The following FANCC variants were observed in gnomAD, a reference collection of about 807,000 sequenced individuals.
The protein encoded by FANCC is Fanconi anemia group C protein.
FANCC carries 55 observed loss-of-function variants against 71.3 expected under a neutral mutation model. The ratio of observed to expected loss-of-function variants is 0.77; its 90% CI spans 0.62 to 0.97. The LOEUF (loss-of-function observed/expected upper bound fraction) is 0.97, where lower values mean the gene tolerates loss of function less well. FANCC is among the 50% of genes least tolerant of loss of function. The pLI, the probability that FANCC is intolerant of heterozygous loss-of-function variation, is 0.00. For synonymous variants in FANCC, 275 were observed against 244.9 expected (o/e 1.12, Z -1.15); for missense variants, 678 against 670.9 (o/e 1.01, Z -0.12).
chr9:95,277,883 A>G (rs529363013), intron 1 of FANCC, among the ~76,000 whole-genome samples: 1 of 152,334 alleles, frequency 6.6e-6, no homozygotes, highest in South Asian at 2.1e-4. Context: ...TTGTTGCTAG[A>G]AAACCCACTT....
intron 6 of FANCC, among the ~76,000 whole-genome samples, chr9:95,155,468 T>G (rs1830422291): frequency 6.6e-6 from 1 of 152,096 alleles, no homozygotes; most frequent in Non-Finnish European, 1.5e-5. Context: ...TAATCATCCT[T>G]AATCAGTCTT....
At chr9:95,105,214 T>G (rs2071353155) in intron 14 of FANCC, among the ~76,000 whole-genome samples, 1 of 152,198 alleles carries the variant, frequency 6.6e-6, no homozygotes, top group African/African-American at 2.4e-5. Flanking sequence ...CCTACCAGGA[T>G]GGAGACAATC....
At chr9:95,277,641 G>C (rs1833126329) in intron 1 of FANCC, among the ~76,000 whole-genome samples, 1 of 152,106 alleles carries the variant, frequency 6.6e-6, no homozygotes. Flanking sequence ...TGAAAGTCAA[G>C]GACAAGGAGA....
chr9:95,236,854 T>G (rs1481696873), intron 4 of FANCC, among the ~76,000 whole-genome samples: 1 of 152,208 alleles, frequency 6.6e-6, no homozygotes, highest in Non-Finnish European at 1.5e-5. Context: ...ACAAGGATAT[T>G]GGATGTCAAG....
chr9:95,266,114 T>C (rs1832370015), intron 1 of FANCC, among the ~76,000 whole-genome samples: 1 of 152,194 alleles, frequency 6.6e-6, no homozygotes, highest in Non-Finnish European at 1.5e-5. Flanking sequence ...AAATTACCAT[T>C]TGACCCATGG....
chr9:95,162,881 G>A (rs1165714337), intron 6 of FANCC, among the ~76,000 whole-genome samples: 1 of 152,178 alleles, frequency 6.6e-6, no homozygotes, highest in Non-Finnish European at 1.5e-5. Context: ...TTTAAGGTTT[G>A]AAAATATTTT....
chr9:95,241,332 T>G (rs980387617), intron 3 of FANCC, among the ~76,000 whole-genome samples: 1 of 152,258 alleles, frequency 6.6e-6, no homozygotes. Flanking sequence ...AGAAGTCTCT[T>G]ACATGCTCTT....
intron 4 of FANCC, among the ~76,000 whole-genome samples, chr9:95,238,882 T>C (rs1830475054): frequency 6.6e-6 from 1 of 152,140 alleles, no homozygotes; most frequent in Admixed American, 6.5e-5. Flanking sequence ...TTAAATACTC[T>C]GGTGGCTGCC....
At chr9:95,165,012 G>T (rs577590229) in intron 6 of FANCC, among the ~76,000 whole-genome samples, 1 of 152,080 alleles carries the variant, frequency 6.6e-6, no homozygotes, top group East Asian at 1.9e-4. Flanking sequence ...ATTCAGTCGT[G>T]TAGGCTGTAT....
At chr9:95,254,588 C>A (rs1033218815) in intron 1 of FANCC, among the ~76,000 whole-genome samples, 8 of 152,218 alleles carry the variant, frequency 5.3e-5, no homozygotes, top group African/African-American at 1.9e-4. Flanking sequence ...AACCTACAGA[C>A]CAGAAGATTC....
chr9:95,192,937 G>A (rs1827200387), intron 4 of FANCC, among the ~76,000 whole-genome samples: 1 of 152,154 alleles, frequency 6.6e-6, no homozygotes, highest in Non-Finnish European at 1.5e-5. Flanking sequence ...AGATTCTCTT[G>A]TCAGAAAGTT....
chr9:95,171,835 C>G (rs1184980690), intron 5 of FANCC, among the ~76,000 whole-genome samples: 2 of 152,146 alleles, frequency 1.3e-5, no homozygotes, highest in Non-Finnish European at 2.9e-5. Flanking sequence ...TTAGGAAAAC[C>G]CTTCCTGGTT....
In FANCC at chr9:95,129,857, T is replaced by TA. The variant is rs143384466; in HGVS notation, c.844-3277_844-3276insT. On this transcript the variant is annotated intron_variant, in intron 8 of 14. Transcript: ENST00000289081. ...AGAGCTCTGGGTTCTGCCCTCCCTC[T>TA]TGTATAGACCCGATTGTTCTGCTGG... 1.4e-3 allele frequency among the ~76,000 whole-genome samples: 208 copies of TA among 152,300 alleles called. 1 individual carries two copies. The highest frequency in any genetic ancestry group is 4.9e-3 in the African/African-American group (202 of 41,566).
chr9:95,302,798 G>A (rs970081249), intron 1 of FANCC, among the ~76,000 whole-genome samples: 1 of 152,182 alleles, frequency 6.6e-6, no homozygotes, highest in Non-Finnish European at 1.5e-5. Context: ...CCCAGTAGGG[G>A]TAAAAAACAG....
intron 1 of FANCC, among the ~76,000 whole-genome samples, chr9:95,300,688 G>A (rs1834670019): frequency 6.6e-6 from 1 of 152,038 alleles, no homozygotes; most frequent in Non-Finnish European, 1.5e-5. Flanking sequence ...CAAATGACAG[G>A]ACAACTGACA....
intron 1 of FANCC, among the ~76,000 whole-genome samples, chr9:95,264,644 T>C (rs1477752201): frequency 6.6e-6 from 1 of 152,008 alleles, no homozygotes; most frequent in Non-Finnish European, 1.5e-5. Flanking sequence ...AGGTCCTTTC[T>C]CTCATGAAAT....
chr9:95,116,132 C>CAATA (rs1160083584), intron 11 of FANCC, among the ~76,000 whole-genome samples: 2 of 152,234 alleles, frequency 1.3e-5, no homozygotes, highest in Non-Finnish European at 2.9e-5. Context: ...GCCCATGCAC[C>CAATA]ACCTCACCGT....
intron 1 of FANCC, among the ~76,000 whole-genome samples, chr9:95,301,608 G>C (rs1834737229): frequency 6.6e-6 from 1 of 151,766 alleles, no homozygotes; most frequent in Non-Finnish European, 1.5e-5. Context: ...TTTTTTTCTA[G>C]AGCTGAGGTC....
At chr9:95,194,610 T>C (rs761954541) in intron 4 of FANCC, among the ~76,000 whole-genome samples, 5 of 152,164 alleles carry the variant, frequency 3.3e-5, no homozygotes, top group African/African-American at 7.2e-5. Context: ...TGATGTGAAA[T>C]ATCTTGTCAT....
Sources: gnomAD v4.1 joint callset for allele counts (sites outside exome capture counted in the v4.1 genomes callset) on GRCh38, gnomAD v4.1.1 for gene constraint, MANE v1.5 for transcripts, NCBI Gene and HGNC (gene_info 2026-07-23, HGNC 2026-07-21) for gene names.